CAPZB: variants seen among roughly 807,000 people sequenced by gnomAD.
CAPZB encodes the protein capping actin protein of muscle Z-line subunit beta.
A neutral mutation model predicts 38.1 loss-of-function variants in CAPZB; 2 were observed. The observed-to-expected ratio is 0.05, with a 90% CI of 0.02 to 0.17. The LOEUF is 0.17. Among genes scored for constraint, CAPZB ranks in the 10% least tolerant of loss-of-function variants. The pLI, the probability that CAPZB is intolerant of heterozygous loss-of-function variation, is 1.00. For synonymous variants in CAPZB, 107 were observed against 127.4 expected (o/e 0.84, Z 1.08); for missense variants, 161 against 334.2 (o/e 0.48, Z 4.04).
intron 1 of CAPZB, among the ~76,000 whole-genome samples, chr1:19,422,369 A>C (rs952003284): frequency 6.6e-6 from 1 of 152,182 alleles, no homozygotes; most frequent in African/African-American, 2.4e-5. Flanking sequence ...CCTGGGCGAA[A>C]AATAATTGGT....
chr1:19,443,470 C>T (rs928625931), intron 1 of CAPZB, among the ~76,000 whole-genome samples: 12 of 152,118 alleles, frequency 7.9e-5, no homozygotes, highest in African/African-American at 2.9e-4. Flanking sequence ...AATATAGCCA[C>T]GGCAGCACCA....
intron 3 of CAPZB, among the ~76,000 whole-genome samples, chr1:19,379,083 C>A (rs755231783): frequency 6.9e-6 from 1 of 145,146 alleles, no homozygotes. Context: ...GTGTTCACCA[C>A]CTATTTTTTT....
At chr1:19,468,681 C>A (rs181368187) in intron 1 of CAPZB, among the ~76,000 whole-genome samples, 70 of 152,282 alleles carry the variant, frequency 4.6e-4, no homozygotes, top group Middle Eastern at 3.4e-3. Context: ...CTGCCTCCCA[C>A]CCAGCTGCTT....
At chr1:19,355,581 C>T (rs1482892973) in intron 6 of CAPZB, among the ~76,000 whole-genome samples, 1 of 152,238 alleles carries the variant, frequency 6.6e-6, no homozygotes, top group South Asian at 2.1e-4. Context: ...ATTATCTTAC[C>T]GAAAGAGATC....
intron 2 of CAPZB, among the ~76,000 whole-genome samples, chr1:19,397,406 T>C (rs1033879206): frequency 3.3e-5 from 5 of 152,064 alleles, no homozygotes; most frequent in Non-Finnish European, 7.4e-5. Context: ...GAGGCACAGG[T>C]AGGTTAAGCA....
At chr1:19,438,098 G>A (rs2094463871) in intron 1 of CAPZB, among the ~76,000 whole-genome samples, 1 of 152,140 alleles carries the variant, frequency 6.6e-6, no homozygotes, top group Non-Finnish European at 1.5e-5. Flanking sequence ...GTCAGGGGAG[G>A]GGACCGGGCA....
chr1:19,435,221 G>A (rs1384331174), intron 1 of CAPZB, among the ~76,000 whole-genome samples: 1 of 152,138 alleles, frequency 6.6e-6, no homozygotes, highest in Admixed American at 6.5e-5. Flanking sequence ...AGTTTCCTGA[G>A]AGCTGGTGAA....
intron 4 of CAPZB, among the ~76,000 whole-genome samples, chr1:19,369,320 C>T (rs1225363140): frequency 6.6e-6 from 1 of 152,234 alleles, no homozygotes; most frequent in Non-Finnish European, 1.5e-5. Context: ...CACGAAAGAG[C>T]TGAAACGCAC....
intron 1 of CAPZB, among the ~76,000 whole-genome samples, chr1:19,449,832 C>T (rs1343053634): frequency 1.4e-5 from 2 of 145,708 alleles, no homozygotes; most frequent in Non-Finnish European, 3.0e-5. Context: ...AGAAAGAGAG[C>T]GAGAGAAAGA....
chr1:19,381,166 CTCGGGGAAA>C (rs1329897770), intron 3 of CAPZB, among the ~76,000 whole-genome samples: 1 of 151,716 alleles, frequency 6.6e-6, no homozygotes, highest in African/African-American at 2.4e-5. Flanking sequence ...AAGACTCCAT[CTCGGGGAAA>C]CAAACAAAAA....
chr1:19,394,993 GACACTC>G (rs2094258589), intron 2 of CAPZB, among the ~76,000 whole-genome samples: 1 of 152,186 alleles, frequency 6.6e-6, no homozygotes, highest in South Asian at 2.1e-4. Flanking sequence ...GGTGAGCGAT[GACACTC>G]TACAGCCACC....
intron 1 of CAPZB, among the ~76,000 whole-genome samples, chr1:19,442,350 G>T (rs567422507): frequency 1.4e-4 from 21 of 152,064 alleles, no homozygotes; most frequent in Admixed American, 7.2e-4. Flanking sequence ...GAGTGGGGGG[G>T]CGTGGAGTGA....
chr1:19,357,542 T>C lies in CAPZB; in HGVS notation c.351A>G (p.Ser117=), dbSNP rs748187971. The change falls in exon 5 of 9, where the codon TCA becomes TCG. Residue 117 remains serine (S), a synonymous_variant. Transcript: ENST00000264202. The surrounding 1 kb of genome is among the most constrained non-coding windows in gnomAD (Gnocchi z 4.3). The part of the protein sequence containing the change: ...YRDLYFEGGV[S]SVYLWDLDHG... ...GATCCAGATCCCAGAGGTAGACAGA[T>C]GAGACGCCACCTTCAAAATACCTGC... The C allele has an allele frequency of 6.2e-7, 1 of 1,614,074 alleles. No homozygotes were observed. The highest frequency in any genetic ancestry group is 8.5e-7 in the Non-Finnish European group (1 of 1,180,012).
intron 6 of CAPZB, among the ~76,000 whole-genome samples, chr1:19,352,492 TAGG>T (rs1237761982): frequency 1.3e-5 from 2 of 152,258 alleles, no homozygotes; most frequent in African/African-American, 2.4e-5. Flanking sequence ...TGCTGTCACA[TAGG>T]AGAAGTGACC....
At chr1:19,376,531 G>A (rs902430722) in intron 4 of CAPZB, among the ~76,000 whole-genome samples, 1 of 152,208 alleles carries the variant, frequency 6.6e-6, no homozygotes, top group African/African-American at 2.4e-5. Context: ...CCTTAGACAG[G>A]TGAGTTTGCC....
chr1:19,419,867 G>A, intron 1 of CAPZB, 117 bp from the exon 2 acceptor site: 1 of 646,068 alleles, frequency 1.5e-6, no homozygotes. Flanking sequence ...CACGCAGTGG[G>A]CCCTCCGCCA....
intron 3 of CAPZB, among the ~76,000 whole-genome samples, chr1:19,380,117 T>C (rs774139471): frequency 6.6e-5 from 10 of 152,204 alleles, no homozygotes; most frequent in Non-Finnish European, 1.5e-4. Flanking sequence ...CGTCAGTAGA[T>C]CATGGAGTAT....
intron 4 of CAPZB, among the ~76,000 whole-genome samples, chr1:19,359,430 A>G (rs2094040823): frequency 1.3e-5 from 2 of 152,046 alleles, no homozygotes; most frequent in Admixed American, 6.5e-5. Context: ...GGGGGCCGAT[A>G]CTCAGGTGGG....
intron 2 of CAPZB, among the ~76,000 whole-genome samples, chr1:19,416,949 C>T (rs1014863806): frequency 2.0e-5 from 3 of 149,148 alleles, no homozygotes; most frequent in Non-Finnish European, 3.0e-5. Flanking sequence ...GTGGTAGATA[C>T]GGCCTGGCAC....
Sources: allele counts gnomAD v4.1 joint callset (sites outside exome capture counted in the v4.1 genomes callset), GRCh38; gene constraint gnomAD v4.1.1; non-coding constraint Gnocchi (gnomAD v3.1); transcripts MANE v1.5; gene names NCBI Gene and HGNC (gene_info 2026-07-23, HGNC 2026-07-21).